PAK4: variants seen among roughly 807,000 people sequenced by gnomAD.
PAK4 encodes p21 (RAC1) activated kinase 4.
Under a neutral mutation model 53.5 loss-of-function variants are expected in PAK4, and 49 were observed. The observed-to-expected ratio is 0.92, with a 90% CI of 0.73 to 1.16. PAK4 has a LOEUF of 1.16. Among genes scored for constraint, PAK4 ranks in the 50% most tolerant of loss-of-function variants. The probability of loss-of-function intolerance (pLI) is 0.00; values close to 1 mark genes in which losing one functional copy is unlikely to be tolerated. For synonymous variants in PAK4, 376 were observed against 375.6 expected, an observed-to-expected ratio of 1.00 and a Z score of -0.01; for missense variants, 824 against 850.7, an observed-to-expected ratio of 0.97 and a Z score of 0.39.
chr19:39,144,446 G>A (rs2073967361), intron 1 of PAK4, among the ~76,000 whole-genome samples: 3 of 152,224 alleles, frequency 2.0e-5, no homozygotes, highest in Admixed American at 6.5e-5. Flanking sequence ...GCCAGAAGCC[G>A]TCCCTGCCGG....
At position 39,144,931 on chromosome 19, in the gene PAK4, G is replaced by T. The variant is rs1252875526; in HGVS notation, c.-23+19012G>T. 2.6e-5 allele frequency among the ~76,000 whole-genome samples: 4 copies of T among 152,212 alleles called. No individual in the cohort carries two copies. The East Asian group carries it at 7.7e-4, about 29-fold the overall frequency. ...CATGGTGGTGTAAAATCTGACATGTGTACAGAAAAGTGTGTAAAACCTCCA... is the reference window on the plus strand; with the variant it reads ...CATGGTGGTGTAAAATCTGACATGTTTACAGAAAAGTGTGTAAAACCTCCA... On this transcript the variant is annotated intron_variant, in intron 1 of 8. Coordinates refer to ENST00000358301, the Ensembl canonical transcript of PAK4.
intron 1 of PAK4, among the ~76,000 whole-genome samples, chr19:39,153,835 G>A (rs1423063208): frequency 2.6e-5 from 4 of 151,896 alleles, no homozygotes; most frequent in African/African-American, 4.8e-5. Context: ...CTCCCGCCTC[G>A]GCATCCCAAA....
exon 3 of PAK4, chr19:39,172,945 A>G (rs1171275362): frequency 6.5e-7 from 1 of 1,541,546 alleles, no homozygotes; most frequent in Non-Finnish European, 8.8e-7. Flanking sequence ...CAAAGGTGCC[A>G]AAGATGGGGC....
intron 1 of PAK4, chr19:39,152,502 G>C (rs893942002): frequency 2.6e-5 from 4 of 152,164 alleles, no homozygotes; most frequent in Non-Finnish European, 4.4e-5. Flanking sequence ...TGAAAAAGGG[G>C]AAAGTATTGA....
chr19:39,173,746 C>T lies in PAK4; in HGVS notation c.834C>T (p.Pro278=), dbSNP rs542325747. The change falls in exon 4 of 9, where the codon CCC becomes CCT. Residue 278 remains proline (P), a synonymous_variant. Coordinates refer to ENST00000358301, the Ensembl canonical transcript of PAK4. The surrounding 1 kb of genome is among the most constrained non-coding windows in gnomAD (Gnocchi z 6.9). The stretch of plus-strand genomic sequence containing the variant: ...AGCTGGCCCCTCCAGCCTGCACCCC[C>T]GCCGCCCCTGCTGTTCCTGGGCCCC... The T allele has an allele frequency of 2.9e-5, 45 of 1,578,384 alleles. No homozygotes were observed. The highest frequency in any genetic ancestry group is 1.6e-4 in the East Asian group (7 of 42,706).
intron 1 of PAK4, among the ~76,000 whole-genome samples, chr19:39,146,956 C>T (rs966607281): frequency 2.6e-5 from 4 of 151,860 alleles, no homozygotes; most frequent in Admixed American, 1.3e-4. Flanking sequence ...AGAAATAATA[C>T]AGAGAGGAGG....
chr19:39,139,026 C>G (rs1406955316), intron 1 of PAK4, among the ~76,000 whole-genome samples: 7 of 152,308 alleles, frequency 4.6e-5, no homozygotes, highest in Non-Finnish European at 4.4e-5. Context: ...CAGCCGATTC[C>G]TCCCCTGATT....
intron 1 of PAK4, among the ~76,000 whole-genome samples, chr19:39,156,387 C>T (rs1411330573): frequency 6.6e-6 from 1 of 152,162 alleles, no homozygotes; most frequent in Non-Finnish European, 1.5e-5. Context: ...GCCCCTTAGC[C>T]GCCTGGCCAG....
intron 1 of PAK4, among the ~76,000 whole-genome samples, chr19:39,155,663 C>G (rs1176055557): frequency 1.3e-5 from 2 of 152,128 alleles, no homozygotes; most frequent in African/African-American, 2.4e-5. Context: ...TTCTTCTGTT[C>G]CTGAACGGGG....
intron 1 of PAK4, among the ~76,000 whole-genome samples, chr19:39,143,162 C>T (rs1303614095): frequency 6.6e-6 from 1 of 152,052 alleles, no homozygotes; most frequent in South Asian, 2.1e-4. Context: ...TGTGTTCCCA[C>T]TAGAATGTCA....
chr19:39,177,760 T>C, exon 8 of PAK4: 1 of 1,613,438 alleles, frequency 6.2e-7, no homozygotes, highest in Non-Finnish European at 8.5e-7. Context: ...CTCAAAGCCA[T>C]GAAGATGATT....
Position 39,178,679 on chromosome 19 carries a change from G to C in PAK4, c.*100G>C. 9.0e-7 allele frequency: 1 copy of C among 1,105,832 alleles called. No homozygotes were observed. Among genetic ancestry groups the C allele is most frequent in the East Asian group, 2.7e-5 (1 of 36,840 alleles). The allele number at this position is 1,105,832 out of a possible 1,614,324, so 68.5% of individuals were successfully genotyped here. On this transcript the variant is annotated 3_prime_UTR_variant, in exon 9 of 9. Coordinates refer to ENST00000358301, the Ensembl canonical transcript of PAK4. This position sits in a 1 kb window ranked among gnomAD's most constrained non-coding sequence, Gnocchi z 4.4. ...GCCTCCCACTCCTCCCAGCCCGGGA[G>C]ATGCTCCGCGTGGCACCACCCTCCT... is the stretch of plus-strand genomic sequence containing the variant.
At chr19:39,134,510 C>T (rs2073774186) in intron 1 of PAK4, among the ~76,000 whole-genome samples, 1 of 149,852 alleles carries the variant, frequency 6.7e-6, no homozygotes, top group South Asian at 2.1e-4. Flanking sequence ...TCCAGTATGT[C>T]CTTGTCTGTG....
At chr19:39,180,705 A>G (rs2074691444), downstream of PAK4, 1 of 152,186 alleles carries the variant, frequency 6.6e-6, no homozygotes, top group South Asian at 2.1e-4. Context: ...CAGCCTCCCA[A>G]AGTGCTGGGA....
At position 39,164,213 on chromosome 19, in the gene PAK4, G is replaced by T. The variant is rs548164708; in HGVS notation, c.-22-5319G>T. 3.3e-5 allele frequency among the ~76,000 whole-genome samples: 5 copies of T among 150,666 alleles called. No individual in the cohort carries two copies. The South Asian group carries it at 1.0e-3, about 31-fold the overall frequency. On this transcript the variant is annotated intron_variant, in intron 1 of 8. Coordinates refer to ENST00000358301, the Ensembl canonical transcript of PAK4. Reference sequence around the variant, plus strand: ...AAGCACATGAACCCACTAGGCGGAGGTTGCAGTGAGCCAAGATCATGCCAT... The same window carrying T: ...AAGCACATGAACCCACTAGGCGGAGTTTGCAGTGAGCCAAGATCATGCCAT...
At position 39,175,520 on chromosome 19, in the gene PAK4, G is replaced by A. The variant is rs1012282931; in HGVS notation, c.1359+82G>A. The A allele has an allele frequency of 7.8e-6, 11 of 1,415,736 alleles. No homozygotes were observed. The highest frequency in any genetic ancestry group is 1.1e-5 in the Non-Finnish European group (11 of 1,035,816). 87.7% of individuals were successfully genotyped at this position (1,415,736 alleles called of 1,614,324 possible). A position where few individuals can be genotyped will look rare whatever the true frequency, so the allele number is the denominator to read the frequency against. On this transcript the variant is annotated intron_variant, in intron 6 of 8. Transcript: ENST00000358301. This position sits in a 1 kb window ranked among gnomAD's most constrained non-coding sequence, Gnocchi z 4.7. ...CTGCCTCTTCCCATCCCCTGTGAGG[G>A]TAGGTGAGCTCTGACCCCCAGGTCT...
At chr19:39,159,028 TA>T (rs1568514437) in intron 1 of PAK4, among the ~76,000 whole-genome samples, 3 of 152,222 alleles carry the variant, frequency 2.0e-5, no homozygotes, top group Admixed American at 2.0e-4. Flanking sequence ...GTAAATGTTT[TA>T]CATGTGTCGT....
intron 1 of PAK4, among the ~76,000 whole-genome samples, chr19:39,150,405 G>A (rs1023840212): frequency 3.9e-5 from 6 of 152,130 alleles, no homozygotes; most frequent in African/African-American, 1.2e-4. Context: ...TCCTCAGCCC[G>A]TGTCTGACTC....
intron 1 of PAK4, chr19:39,152,003 A>C (rs565035071): frequency 2.6e-5 from 4 of 152,342 alleles, no homozygotes; most frequent in African/African-American, 9.6e-5. Context: ...TCCTGACCTC[A>C]AGGAATCCAC....
Sources: gnomAD v4.1 joint callset for allele counts (sites outside exome capture counted in the v4.1 genomes callset) on GRCh38, gnomAD v4.1.1 for gene constraint, Gnocchi (gnomAD v3.1) non-coding constraint, MANE v1.5 for transcripts, NCBI Gene and HGNC (gene_info 2026-07-23, HGNC 2026-07-21) for gene names.